The following MAGI1 variants were observed in gnomAD, a reference collection of about 807,000 sequenced individuals.
The protein encoded by MAGI1 is membrane-associated guanylate kinase, WW and PDZ domain-containing protein 1.
A neutral mutation model predicts 139.9 loss-of-function variants in MAGI1; 58 were observed. That is an observed-to-expected ratio of 0.41 (90% CI 0.34 to 0.52). The LOEUF (loss-of-function observed/expected upper bound fraction) is 0.52, where lower values mean the gene tolerates loss of function less well. MAGI1 is among the 20% of genes least tolerant of loss of function. The pLI is 0.12. For synonymous variants in MAGI1, 812 were observed against 737.9 expected (o/e 1.10, Z -1.63); for missense variants, 1,874 against 1,901.6 (o/e 0.99, Z 0.27).
At chr3:65,382,520 G>A (rs1425410910) in intron 15 of MAGI1, among the ~76,000 whole-genome samples, 1 of 152,106 alleles carries the variant, frequency 6.6e-6, no homozygotes, top group African/African-American at 2.4e-5. Flanking sequence ...AAGTTGGTTG[G>A]ACATCTCCAT....
At chr3:65,955,659 CT>C (rs1313622031) in intron 1 of MAGI1, among the ~76,000 whole-genome samples, 2 of 151,662 alleles carry the variant, frequency 1.3e-5, no homozygotes, top group African/African-American at 2.4e-5. Context: ...TACAATTTCC[CT>C]TGGAAAAAAA....
At chr3:65,956,959 G>C (rs978905094) in intron 1 of MAGI1, among the ~76,000 whole-genome samples, 15 of 152,014 alleles carry the variant, frequency 9.9e-5, no homozygotes, top group African/African-American at 3.6e-4. Context: ...CCAAGATCAC[G>C]TCACTGCACT....
intron 2 of MAGI1, among the ~76,000 whole-genome samples, chr3:65,565,341 A>C (rs75053107): frequency 0.012 from 1,781 of 152,318 alleles, 35 homozygotes; most frequent in African/African-American, 0.035. Flanking sequence ...CAAACCTAGT[A>C]TGTCAATACT....
chr3:65,670,964 T>C (rs1011622798), intron 1 of MAGI1, among the ~76,000 whole-genome samples: 1 of 152,246 alleles, frequency 6.6e-6, no homozygotes, highest in African/African-American at 2.4e-5. Flanking sequence ...TCACTGTTTT[T>C]AGCTGTTTTA....
intron 1 of MAGI1, among the ~76,000 whole-genome samples, chr3:65,878,927 C>A (rs1480479261): frequency 6.6e-6 from 1 of 152,032 alleles, no homozygotes; most frequent in Non-Finnish European, 1.5e-5. Flanking sequence ...TTTCCTTCTC[C>A]AAGGCCTTCC....
intron 1 of MAGI1, among the ~76,000 whole-genome samples, chr3:65,686,512 C>T (rs1275904913): frequency 5.3e-5 from 8 of 152,120 alleles, no homozygotes; most frequent in African/African-American, 1.4e-4. Context: ...AGGATGGTCT[C>T]GATCTCCTGA....
chr3:65,933,758 T>A (rs1409812254), intron 1 of MAGI1, among the ~76,000 whole-genome samples: 2 of 152,156 alleles, frequency 1.3e-5, no homozygotes, highest in African/African-American at 4.8e-5. Flanking sequence ...AAGAAAGATA[T>A]CTTAAATGAG....
chr3:65,857,001 C>T (rs568699383), intron 1 of MAGI1, among the ~76,000 whole-genome samples: 19 of 152,344 alleles, frequency 1.2e-4, no homozygotes, highest in Admixed American at 7.8e-4. Flanking sequence ...CCAATACACC[C>T]TGACGGCCCT....
chr3:65,692,499 G>T (rs1438699011), intron 1 of MAGI1, among the ~76,000 whole-genome samples: 1 of 152,126 alleles, frequency 6.6e-6, no homozygotes. Flanking sequence ...ACCCTACATA[G>T]ACTTACACAA....
chr3:65,743,582 G>T (rs928535626), intron 1 of MAGI1, among the ~76,000 whole-genome samples: 1 of 152,016 alleles, frequency 6.6e-6, no homozygotes, highest in Non-Finnish European at 1.5e-5. Flanking sequence ...GGTGGCATAG[G>T]CCTGTAATCC....
chr3:65,357,115 G>T lies in MAGI1; in HGVS notation c.3652C>A (p.His1218Asn). 1 of 1,612,002 alleles carries T rather than the reference G, an allele frequency of 6.2e-7. No homozygotes were observed. Among genetic ancestry groups the T allele is most frequent in the Non-Finnish European group, 8.5e-7 (1 of 1,178,802 alleles). ...VPEYDPSSDR[H>N]GPATGPQGVP... ...CCTTGTGGACCGGTGGCGGGGCCGTGGCGGTCGCTGCTGGGGTCTGCCAGG... is the reference window on the plus strand; with the variant it reads ...CCTTGTGGACCGGTGGCGGGGCCGTTGCGGTCGCTGCTGGGGTCTGCCAGG... The change falls in exon 23 of 23, where the codon CAC (histidine) becomes AAC (asparagine). Residue 1218 changes from histidine to asparagine, a missense_variant. By Grantham distance (68) the His-to-Asn change is moderately conservative. Around this residue, in one of 5 missense-constraint regions of MAGI1, gnomAD observed 653 missense variants for 644.5 expected, o/e 1.01. Transcript: ENST00000402939.
At chr3:65,716,436 G>A (rs745460798) in intron 1 of MAGI1, among the ~76,000 whole-genome samples, 6 of 152,142 alleles carry the variant, frequency 3.9e-5, no homozygotes, top group Non-Finnish European at 8.8e-5. Context: ...CACTTACCTC[G>A]ATGTGCAGTG....
At chr3:65,401,331 T>A in intron 13 of MAGI1, 108 bp downstream of exon 13, 1 of 1,393,894 alleles carries the variant, frequency 7.2e-7, no homozygotes, top group East Asian at 2.5e-5. Context: ...CCCCATCCAC[T>A]GTAAAACACA....
chr3:65,934,101 C>A (rs191048218), intron 1 of MAGI1, among the ~76,000 whole-genome samples: 16 of 152,042 alleles, frequency 1.1e-4, no homozygotes, highest in East Asian at 1.9e-4. Flanking sequence ...AGCCTGGGCA[C>A]GACAGAGCGA....
chr3:65,917,162 C>T (rs1249948477), intron 1 of MAGI1, among the ~76,000 whole-genome samples: 1 of 152,178 alleles, frequency 6.6e-6, no homozygotes. Flanking sequence ...TGAGGAGTTA[C>T]ATGGGGCTAC....
At chr3:65,414,409 C>T (rs866488221) in intron 12 of MAGI1, among the ~76,000 whole-genome samples, 17 of 152,146 alleles carry the variant, frequency 1.1e-4, no homozygotes, top group East Asian at 5.8e-4. Context: ...AATATAACCC[C>T]GGCCTTGAAT....
intron 2 of MAGI1, among the ~76,000 whole-genome samples, chr3:65,527,999 C>G (rs974458745): frequency 2.0e-5 from 3 of 151,892 alleles, no homozygotes; most frequent in African/African-American, 7.3e-5. Context: ...GAGTACTGAT[C>G]TTCACATAAA....
chr3:65,359,369 T>A, intron 22 of MAGI1: 1 of 1,356,246 alleles, frequency 7.4e-7, no homozygotes, highest in Admixed American at 2.9e-5. Context: ...GTGACATTTT[T>A]AGACAGCCAT....
intron 2 of MAGI1, among the ~76,000 whole-genome samples, chr3:65,595,090 T>C (rs544205165): frequency 6.6e-6 from 1 of 152,324 alleles, no homozygotes; most frequent in African/African-American, 2.4e-5. Context: ...TTAGCTCCTT[T>C]GTAAATATGG....
Sources: allele counts gnomAD v4.1 joint callset (sites outside exome capture counted in the v4.1 genomes callset), GRCh38; gene constraint gnomAD v4.1.1; regional missense constraint gnomAD v4.1.1; transcripts MANE v1.5; gene names NCBI Gene and HGNC (gene_info 2026-07-23, HGNC 2026-07-21).